The following ZNF521 variants were observed in gnomAD, a reference collection of about 807,000 sequenced individuals.
The protein encoded by ZNF521 is zinc finger protein 521.
In ZNF521, 14 loss-of-function variants were observed where a neutral mutation model predicts 105.5. That is an observed-to-expected ratio of 0.13 (90% CI 0.09 to 0.21). The LOEUF (loss-of-function observed/expected upper bound fraction) is 0.21, where lower values mean the gene tolerates loss of function less well. Ranked by LOEUF, ZNF521 falls within the 10% of genes least tolerant of loss-of-function variation. ZNF521 has a pLI of 1.00. For synonymous variants in ZNF521, 635 were observed against 606.0 expected (o/e 1.05, Z -0.70); for missense variants, 1,233 against 1,629.7 (o/e 0.76, Z 4.19).
intron 5 of ZNF521, 22 bp downstream of exon 5, chr18:25,195,138 T>A (rs772450140): frequency 7.7e-6 from 12 of 1,556,376 alleles, no homozygotes; most frequent in Middle Eastern, 1.7e-4. Context: ...CTATCTGTAA[T>A]AAGGTTTAGA....
intron 3 of ZNF521, among the ~76,000 whole-genome samples, chr18:25,307,447 C>T (rs1400516688): frequency 6.6e-6 from 1 of 152,174 alleles, no homozygotes; most frequent in East Asian, 1.9e-4. Context: ...TCCCTACCTC[C>T]ACCCCTAGCT....
chr18:25,227,269 A>G lies in ZNF521; in HGVS notation c.649T>C (p.Leu217=), dbSNP rs768684137. 6 of 1,613,982 alleles carry G rather than the reference A, an allele frequency of 3.7e-6. No individual in the cohort carries two copies. The highest frequency in any genetic ancestry group is 4.2e-6 in the Non-Finnish European group (5 of 1,180,030). ...CRRGFLSSSS[L]HGHMQVHERN... ...TCATGAACCTGCATGTGTCCGTGTA[A>G]GGAACTAGAGGACAGAAACCCACGG... The change falls in exon 4 of 8, where the codon TTA becomes CTA. Residue 217 remains leucine, a synonymous_variant. Coordinates refer to ENST00000361524, the MANE Select transcript of ZNF521 (RefSeq NM_015461.3). This position sits in a 1 kb window ranked among gnomAD's most constrained non-coding sequence, Gnocchi z 5.7.
chr18:25,324,221 A>G (rs1445429550), intron 2 of ZNF521, among the ~76,000 whole-genome samples: 2 of 152,146 alleles, frequency 1.3e-5, no homozygotes, highest in Non-Finnish European at 2.9e-5. Context: ...CGGAAGGAGA[A>G]AAAAATAGAG....
At chr18:25,305,317 A>G (rs776599743) in intron 3 of ZNF521, among the ~76,000 whole-genome samples, 8 of 152,206 alleles carry the variant, frequency 5.3e-5, no homozygotes, top group Admixed American at 1.3e-4. Context: ...AAAACGAGAA[A>G]TCTTTTAAAA....
intron 7 of ZNF521, 43 bp from the exon 8 acceptor site, chr18:25,062,784 AAGAG>A (rs60933974): frequency 7.4e-7 from 1 of 1,358,938 alleles, no homozygotes; most frequent in Non-Finnish European, 9.7e-7. Flanking sequence ...AAAAAAAAAA[AAGAG>A]AAGAGAGGGA....
chr18:25,345,119 C>A (rs1044373873), intron 2 of ZNF521: 1 of 152,280 alleles, frequency 6.6e-6, no homozygotes, highest in South Asian at 2.1e-4. Flanking sequence ...CGAGCCCTCA[C>A]AAACAGACTC....
chr18:25,177,610 T>G (rs2035556518), intron 5 of ZNF521, among the ~76,000 whole-genome samples: 1 of 152,268 alleles, frequency 6.6e-6, no homozygotes, highest in Admixed American at 6.5e-5. Flanking sequence ...GTAAGCAAAT[T>G]TGCTGCTAGT....
chr18:25,142,207 C>T (rs1567980249), intron 5 of ZNF521, among the ~76,000 whole-genome samples: 1 of 152,112 alleles, frequency 6.6e-6, no homozygotes, highest in African/African-American at 2.4e-5. Context: ...AGACTGACAC[C>T]GTTTGGACTT....
At position 25,297,092 on chromosome 18, in the gene ZNF521, CAT is replaced by C. The variant is rs921082671; in HGVS notation, c.220+24914_220+24915del. Among the ~76,000 whole-genome samples the C allele has an allele frequency of 6.4e-4, 97 of 151,370 alleles. 1 individual carries two copies. Among genetic ancestry groups the C allele is most frequent in the African/African-American group, 1.9e-3 (80 of 41,166 alleles). On this transcript the variant is annotated intron_variant, in intron 3 of 7. Coordinates refer to ENST00000361524, the MANE Select transcript of ZNF521 (RefSeq NM_015461.3). ...CCATACACACACATACACACACACA[CAT>C]ATATATAGACACATATACATGTCCC...
chr18:25,276,131 C>A (rs765403996), intron 3 of ZNF521, among the ~76,000 whole-genome samples: 2 of 152,154 alleles, frequency 1.3e-5, no homozygotes, highest in Non-Finnish European at 2.9e-5. Context: ...CAGGGCATCA[C>A]AGAAAATGAT....
intron 3 of ZNF521, among the ~76,000 whole-genome samples, chr18:25,273,168 A>G (rs1480310788): frequency 7.5e-6 from 1 of 134,006 alleles, no homozygotes; most frequent in East Asian, 2.6e-4. Flanking sequence ...CGAAGGTTGC[A>G]GTGAGCCGAG....
chr18:25,346,960 A>G (rs1240778399), intron 2 of ZNF521, among the ~76,000 whole-genome samples: 1 of 152,202 alleles, frequency 6.6e-6, no homozygotes, highest in Non-Finnish European at 1.5e-5. Context: ...TATATAGTGG[A>G]CCACTTTTTC....
At chr18:25,212,044 A>C (rs1037254732) in intron 4 of ZNF521, among the ~76,000 whole-genome samples, 39 of 152,192 alleles carry the variant, frequency 2.6e-4, no homozygotes, top group African/African-American at 9.4e-4. Flanking sequence ...TCTGTGGACT[A>C]ACACTGCATA....
chr18:25,112,501 A>C (rs1002661080), intron 5 of ZNF521, among the ~76,000 whole-genome samples: 2 of 152,194 alleles, frequency 1.3e-5, no homozygotes, highest in African/African-American at 4.8e-5. Context: ...CTGCTAAATA[A>C]AATTTATTGA....
At chr18:25,069,299 G>A (rs1451399751) in intron 7 of ZNF521, among the ~76,000 whole-genome samples, 7 of 152,012 alleles carry the variant, frequency 4.6e-5, no homozygotes, top group South Asian at 2.1e-4. Flanking sequence ...TCCCCTGAAC[G>A]TTAAGAGAAA....
chr18:25,076,865 G>A (rs1375567297), intron 7 of ZNF521, among the ~76,000 whole-genome samples: 3 of 152,248 alleles, frequency 2.0e-5, no homozygotes, highest in African/African-American at 7.2e-5. Flanking sequence ...AGAGGCCTGG[G>A]ATGGAAGGCT....
intron 3 of ZNF521, among the ~76,000 whole-genome samples, chr18:25,239,569 G>T (rs574992207): frequency 6.6e-6 from 1 of 152,350 alleles, no homozygotes; most frequent in South Asian, 2.1e-4. Context: ...AGTGAGAAAA[G>T]AGGAAGGGAG....
intron 3 of ZNF521, among the ~76,000 whole-genome samples, chr18:25,259,443 G>A (rs1483630679): frequency 6.6e-6 from 1 of 152,122 alleles, no homozygotes; most frequent in Non-Finnish European, 1.5e-5. Context: ...TGTACACTGT[G>A]ATGCACTCAA....
At chr18:25,216,723 T>TA (rs1328048563) in intron 4 of ZNF521, among the ~76,000 whole-genome samples, 5 of 152,188 alleles carry the variant, frequency 3.3e-5, no homozygotes, top group African/African-American at 1.2e-4. Flanking sequence ...CACACCTGAT[T>TA]AATTTTTCAT....
Sources: gnomAD v4.1 joint callset for allele counts (sites outside exome capture counted in the v4.1 genomes callset) on GRCh38, gnomAD v4.1.1 for gene constraint, Gnocchi (gnomAD v3.1) non-coding constraint, MANE v1.5 for transcripts, NCBI Gene and HGNC (gene_info 2026-07-23, HGNC 2026-07-21) for gene names.